The following KCNIP4 variants were observed in gnomAD, a reference collection of about 807,000 sequenced individuals.
KCNIP4 encodes the protein potassium voltage-gated channel interacting protein 4, also known as Kv channel-interacting protein 4.
A neutral mutation model predicts 34.0 loss-of-function variants in KCNIP4; 12 were observed. The observed-to-expected ratio is 0.35, with a 90% CI of 0.23 to 0.57. The LOEUF is 0.57. Ranked by LOEUF, KCNIP4 falls within the 20% of genes least tolerant of loss-of-function variation. KCNIP4 has a pLI of 0.83. For synonymous variants in KCNIP4, 124 were observed against 102.2 expected, an observed-to-expected ratio of 1.21 and a Z score of -1.29; for missense variants, 238 against 311.7, an observed-to-expected ratio of 0.76 and a Z score of 1.78.
At chr4:21,712,709 T>C (rs529780364) in intron 1 of KCNIP4, among the ~76,000 whole-genome samples, 57 of 152,144 alleles carry the variant, frequency 3.7e-4, no homozygotes, top group Non-Finnish European at 6.9e-4. Flanking sequence ...CCGGCACCTA[T>C]AGCATAGATC....
intron 3 of KCNIP4, among the ~76,000 whole-genome samples, chr4:20,837,680 A>G (rs1195857145): frequency 1.1e-5 from 1 of 89,906 alleles, no homozygotes; most frequent in Non-Finnish European, 2.2e-5. Flanking sequence ...ATATATATAT[A>G]TATATATTTT....
chr4:21,948,579 G>A lies in KCNIP4; in HGVS notation c.53C>T (p.Ser18Phe). ...AGCTTATTGCATCCTACCGCCTGTA[G>A]AGCTGGCCTCCTCCAGCTGAGCCGA... The part of the protein sequence containing the change: ...SISAQLEEAS[S>F]TGGFLYAQNS... The change falls in exon 1 of 9, where the codon TCT becomes TTT. Residue 18 changes from serine (S) to phenylalanine (F), a missense_variant. Physicochemically the swap from Ser to Phe is radical, Grantham distance 155. Transcript: ENST00000382152. The A allele has an allele frequency of 1.9e-6, 3 of 1,613,502 alleles. No homozygotes were observed. Among genetic ancestry groups the A allele is most frequent in the Non-Finnish European group, 2.5e-6 (3 of 1,179,764 alleles).
intron 1 of KCNIP4, among the ~76,000 whole-genome samples, chr4:21,218,571 C>G (rs543367763): frequency 6.6e-6 from 1 of 152,190 alleles, no homozygotes; most frequent in African/African-American, 2.4e-5. Context: ...TAATGTAAAA[C>G]ACACATTCTT....
chr4:21,843,671 C>T (rs1334198350), intron 1 of KCNIP4: 13 of 152,006 alleles, frequency 8.6e-5, no homozygotes, highest in Admixed American at 7.9e-4. Context: ...CTCCATTTTT[C>T]CAATCACACT....
chr4:21,350,554 G>A (rs1717905969), intron 1 of KCNIP4, among the ~76,000 whole-genome samples: 1 of 152,184 alleles, frequency 6.6e-6, no homozygotes, highest in Admixed American at 6.6e-5. Context: ...TGGAAATGCA[G>A]AGCTGTAGAA....
At chr4:21,452,231 A>G (rs1728571362) in intron 1 of KCNIP4, among the ~76,000 whole-genome samples, 1 of 152,142 alleles carries the variant, frequency 6.6e-6, no homozygotes, top group South Asian at 2.1e-4. Flanking sequence ...ACTGCATTGT[A>G]AATTCTACAC....
chr4:21,948,033 A>C (rs1030895902), intron 1 of KCNIP4, among the ~76,000 whole-genome samples: 1 of 152,242 alleles, frequency 6.6e-6, no homozygotes, highest in Admixed American at 6.5e-5. Flanking sequence ...CTCTGAACAC[A>C]CTAAACTGAA....
In KCNIP4 at chr4:21,715,276, C is replaced by T. The variant is rs181718767; in HGVS notation, c.61+233295G>A. On this transcript the variant is annotated intron_variant, in intron 1 of 8. Transcript: ENST00000382152. ...CCTCCCAAGTACCTGGGACTACAGG[C>T]GCCCGCCATCATGCCCGGCTAATTT... Among the ~76,000 whole-genome samples, 1,155 of 151,546 alleles carry T rather than the reference C, an allele frequency of 7.6e-3. 1 individual carries two copies. Among genetic ancestry groups the T allele is most frequent in the Non-Finnish European group, 0.012 (784 of 67,908 alleles).
At chr4:20,974,685 T>C (rs929227269) in intron 1 of KCNIP4, among the ~76,000 whole-genome samples, 2 of 152,198 alleles carry the variant, frequency 1.3e-5, no homozygotes, top group Admixed American at 6.5e-5. Context: ...CTTTCTTTTA[T>C]GTCCCTCTAA....
intron 1 of KCNIP4, among the ~76,000 whole-genome samples, chr4:21,552,114 G>A (rs545685928): frequency 2.0e-5 from 3 of 151,178 alleles, no homozygotes; most frequent in African/African-American, 4.9e-5. Flanking sequence ...TTTCAACAGC[G>A]ATTAGGTAAT....
chr4:21,419,960 C>T (rs1459919858), intron 1 of KCNIP4, among the ~76,000 whole-genome samples: 3 of 152,074 alleles, frequency 2.0e-5, no homozygotes, highest in Admixed American at 1.3e-4. Context: ...GTCATTCCAA[C>T]GTCAAAAATA....
At chr4:21,727,596 A>C (rs1428997113) in intron 1 of KCNIP4, among the ~76,000 whole-genome samples, 1 of 152,078 alleles carries the variant, frequency 6.6e-6, no homozygotes. Flanking sequence ...TGGGAGGCCG[A>C]GGTGGGTAGA....
chr4:21,716,339 C>A (rs1246987492), intron 1 of KCNIP4, among the ~76,000 whole-genome samples: 1 of 152,000 alleles, frequency 6.6e-6, no homozygotes, highest in Non-Finnish European at 1.5e-5. Context: ...CGGGTTCAAG[C>A]GATTCTTCTG....
At chr4:21,433,723 C>T (rs774006447) in intron 1 of KCNIP4, among the ~76,000 whole-genome samples, 4 of 152,102 alleles carry the variant, frequency 2.6e-5, no homozygotes, top group Non-Finnish European at 4.4e-5. Context: ...CTCCAATAAC[C>T]GGGTTTATCC....
At chr4:21,444,295 T>A (rs1373156996) in intron 1 of KCNIP4, among the ~76,000 whole-genome samples, 2 of 152,182 alleles carry the variant, frequency 1.3e-5, no homozygotes, top group Non-Finnish European at 2.9e-5. Flanking sequence ...ATCATCCTGC[T>A]ACCAAAGCCT....
intron 1 of KCNIP4, among the ~76,000 whole-genome samples, chr4:21,715,484 T>C (rs982175871): frequency 5.9e-5 from 9 of 152,124 alleles, no homozygotes; most frequent in Non-Finnish European, 1.0e-4. Flanking sequence ...ACTGACAAAC[T>C]ATTTCTTGGA....
intron 1 of KCNIP4, chr4:21,582,401 T>C (rs1317544621): frequency 3.3e-5 from 5 of 151,946 alleles, no homozygotes; most frequent in Admixed American, 6.6e-5. Context: ...TGATGGAAAG[T>C]GGAGTACAAT....
chr4:21,648,678 A>T (rs1372831620), intron 1 of KCNIP4, among the ~76,000 whole-genome samples: 1 of 152,184 alleles, frequency 6.6e-6, no homozygotes, highest in Non-Finnish European at 1.5e-5. Context: ...ATTTGCCAAA[A>T]TTTTCATTCA....
At chr4:21,014,901 T>C (rs1197580806) in intron 1 of KCNIP4, among the ~76,000 whole-genome samples, 1 of 152,174 alleles carries the variant, frequency 6.6e-6, no homozygotes, top group Non-Finnish European at 1.5e-5. Context: ...AAATATGGCA[T>C]AATATACATA....
Sources: allele counts gnomAD v4.1 joint callset (sites outside exome capture counted in the v4.1 genomes callset), GRCh38; gene constraint gnomAD v4.1.1; transcripts MANE v1.5; gene names NCBI Gene and HGNC (gene_info 2026-07-23, HGNC 2026-07-21).